Variants in KPNA3 observed in about 807,000 individuals in gnomAD.
KPNA3 encodes karyopherin subunit alpha 3, also known as importin subunit alpha-4.
A neutral mutation model predicts 73.8 loss-of-function variants in KPNA3; 13 were observed. That is an observed-to-expected ratio of 0.18 (90% confidence interval 0.11 to 0.28). The LOEUF is 0.28. Among genes scored for constraint, KPNA3 ranks in the 10% least tolerant of loss-of-function variants. KPNA3 has a pLI of 1.00. For synonymous variants in KPNA3, 186 were observed against 206.9 expected (o/e 0.90, Z 0.87); for missense variants, 360 against 618.1 (o/e 0.58, Z 4.43).
chr13:49,728,014 T>C (rs1954426890), intron 6 of KPNA3, among the ~76,000 whole-genome samples: 1 of 152,046 alleles, frequency 6.6e-6, no homozygotes, highest in Admixed American at 6.5e-5. Context: ...GGCAGGCGGA[T>C]CACGAGGTAA....
chr13:49,721,200 T>C (rs570808718), intron 9 of KPNA3, among the ~76,000 whole-genome samples: 2 of 150,920 alleles, frequency 1.3e-5, no homozygotes, highest in East Asian at 4.1e-4. Context: ...GCCTGGGCAA[T>C]AGAACAAGAC....
intron 6 of KPNA3, 21 bp from the exon 7 acceptor site, chr13:49,725,522 AT>A: frequency 6.8e-7 from 1 of 1,464,230 alleles, no homozygotes; most frequent in South Asian, 1.1e-5. Context: ...ACAATAACAC[AT>A]CTTTTTAGAC....
chr13:49,791,205 T>C (rs534299619), intron 1 of KPNA3, among the ~76,000 whole-genome samples: 6 of 152,360 alleles, frequency 3.9e-5, no homozygotes, highest in Non-Finnish European at 4.4e-5. Context: ...CTGAATGGTA[T>C]ATTTACCCCA....
At chr13:49,732,911 A>G in intron 3 of KPNA3, 46 bp downstream of exon 3, 1 of 1,413,056 alleles carries the variant, frequency 7.1e-7, no homozygotes, top group Non-Finnish European at 9.9e-7. Flanking sequence ...TCTCACAGTT[A>G]CTATAAAAAT....
intron 10 of KPNA3, among the ~76,000 whole-genome samples, chr13:49,715,352 T>C (rs1380332583): frequency 2.0e-5 from 3 of 152,118 alleles, no homozygotes; most frequent in African/African-American, 7.2e-5. Flanking sequence ...ACATTAAATA[T>C]GACTAGTCTG....
chr13:49,722,075 T>C lies in KPNA3; in HGVS notation c.606A>G (p.Lys202=), dbSNP rs1452355320. Residue 202 remains lysine (K), a synonymous_variant, in exon 9 of 17, where the codon AAA becomes AAG. Transcript: ENST00000261667. ...RDYVISLGVV[K]PLLSFISPSI... ...AGGGACTGATGAAGGACAGAAGAGG[T>C]TTGACAACTCCCAGTGATATGACAT... The C allele has an allele frequency of 6.2e-7, 1 of 1,610,030 alleles. No homozygotes were observed. Among genetic ancestry groups the C allele is most frequent in the African/African-American group, 1.3e-5 (1 of 74,690 alleles).
At chr13:49,733,650 C>T (rs1954492799) in intron 2 of KPNA3, among the ~76,000 whole-genome samples, 1 of 152,182 alleles carries the variant, frequency 6.6e-6, no homozygotes, top group African/African-American at 2.4e-5. Context: ...CAGTAATTCC[C>T]CTTCCCATAT....
intron 1 of KPNA3, among the ~76,000 whole-genome samples, chr13:49,764,459 C>T (rs546977104): frequency 1.6e-4 from 25 of 152,216 alleles, no homozygotes; most frequent in African/African-American, 5.5e-4. Flanking sequence ...CCTTCCAAAT[C>T]GTCCTTCCTC....
chr13:49,791,545 T>C (rs527422613), intron 1 of KPNA3, among the ~76,000 whole-genome samples: 16 of 152,314 alleles, frequency 1.1e-4, no homozygotes, highest in Non-Finnish European at 1.3e-4. Context: ...TGCAACCACT[T>C]GGAAATTCTA....
At position 49,705,187 on chromosome 13, in the gene KPNA3, C is replaced by T. The variant is rs545856500; in HGVS notation, c.1372+434G>A. Among the ~76,000 whole-genome samples the T allele has an allele frequency of 1.6e-4, 24 of 152,076 alleles. 2 individuals carry two copies. The South Asian group carries it at 4.6e-3, about 29-fold the overall frequency. On this transcript the variant is annotated intron_variant, in intron 15 of 16. Transcript: ENST00000261667. ...CAGCCTGGCCAACATGGTGAAACCT[C>T]GTCTCTATTAAAAACACAAAAATCC...
At chr13:49,746,825 T>C (rs17073356) in intron 2 of KPNA3, 124 bp downstream of exon 2, 52,680 of 672,404 alleles carry the variant, frequency 0.078, 7,701 homozygotes, top group East Asian at 0.57. Flanking sequence ...TGATAAAGTA[T>C]CCAGTGATGT....
At chr13:49,750,707 G>A (rs898056388) in intron 1 of KPNA3, among the ~76,000 whole-genome samples, 1 of 152,096 alleles carries the variant, frequency 6.6e-6, no homozygotes, top group African/African-American at 2.4e-5. Flanking sequence ...AATGTGTTAA[G>A]CTGGCCGGGC....
chr13:49,758,655 G>C (rs956057611), intron 1 of KPNA3, among the ~76,000 whole-genome samples: 23 of 152,072 alleles, frequency 1.5e-4, no homozygotes, highest in Non-Finnish European at 2.9e-4. Flanking sequence ...CCATAGTCCT[G>C]AATTTGAATT....
chr13:49,759,965 A>G (rs1954744972), intron 1 of KPNA3, among the ~76,000 whole-genome samples: 1 of 152,212 alleles, frequency 6.6e-6, no homozygotes, highest in Admixed American at 6.5e-5. Context: ...AGAAAGAGAC[A>G]GCCAGACACT....
At chr13:49,708,041 G>T (rs1169469633) in intron 12 of KPNA3, among the ~76,000 whole-genome samples, 1 of 149,448 alleles carries the variant, frequency 6.7e-6, no homozygotes, top group African/African-American at 2.5e-5. Context: ...TGTCGCCCAG[G>T]CTGGAGTGCA....
chr13:49,738,722 GCTTT>G (rs1954546994), intron 2 of KPNA3, among the ~76,000 whole-genome samples: 1 of 152,172 alleles, frequency 6.6e-6, no homozygotes, highest in South Asian at 2.1e-4. Context: ...AGTTCCAGGA[GCTTT>G]CTGATAGATT....
At chr13:49,707,379 C>CTGTA (rs1322954933) in intron 12 of KPNA3, among the ~76,000 whole-genome samples, 4 of 152,146 alleles carry the variant, frequency 2.6e-5, no homozygotes, top group African/African-American at 9.7e-5. Flanking sequence ...GTTCACTATA[C>CTGTA]TATTCTTGCA....
chr13:49,727,697 C>G (rs1229977228), intron 6 of KPNA3, among the ~76,000 whole-genome samples: 1 of 151,982 alleles, frequency 6.6e-6, no homozygotes, highest in Non-Finnish European at 1.5e-5. Context: ...CTCATACTAA[C>G]TTTCTATACA....
intron 1 of KPNA3, among the ~76,000 whole-genome samples, chr13:49,791,833 G>C (rs1340556073): frequency 6.6e-6 from 1 of 152,182 alleles, no homozygotes; most frequent in Non-Finnish European, 1.5e-5. Flanking sequence ...ACGAGCACTG[G>C]AATATAAGAA....
Sources: allele counts gnomAD v4.1 joint callset (sites outside exome capture counted in the v4.1 genomes callset), GRCh38; gene constraint gnomAD v4.1.1; transcripts MANE v1.5; gene names NCBI Gene and HGNC (gene_info 2026-07-23, HGNC 2026-07-21).